Variants in FTCD observed in about 807,000 individuals in gnomAD.
FTCD encodes formimidoyltransferase cyclodeaminase, also known as formimidoyltransferase-cyclodeaminase.
A neutral mutation model predicts 62.9 loss-of-function variants in FTCD; 76 were observed. The ratio of observed to expected loss-of-function variants is 1.21; its 90% CI spans 1.00 to 1.46. The LOEUF is 1.46. Ranked by LOEUF, FTCD falls within the 40% of genes most tolerant of loss-of-function variation. FTCD has a pLI of 0.00. For missense variants in FTCD, 845 were observed against 751.3 expected, an observed-to-expected ratio of 1.12 and a Z score of -1.46; for synonymous variants, 397 against 336.9, an observed-to-expected ratio of 1.18 and a Z score of -1.95.
chr21:46,153,259 G>A (rs376966456), intron 2 of FTCD, among the ~76,000 whole-genome samples: 21 of 152,314 alleles, frequency 1.4e-4, no homozygotes, highest in East Asian at 1.2e-3. Context: ...TTCCCGCACC[G>A]TCCTCCCAGC....
At position 46,138,554 on chromosome 21, in the gene FTCD, T is replaced by G. The variant is rs1247704871; in HGVS notation, c.1397A>C (p.Gln466Pro). The G allele has an allele frequency of 6.3e-7, 1 of 1,587,410 alleles. No individual in the cohort carries two copies. Among genetic ancestry groups the G allele is most frequent in the Admixed American group, 1.7e-5 (1 of 57,556 alleles). ...ETVASLWPAL[Q>P]ELARCGNLAC... ...CAGGTTCCCACACCGGGCCAGTTCCTGCAGGGCCGGCCACAGCGAGGCCAC... is the reference window on the plus strand; with the variant it reads ...CAGGTTCCCACACCGGGCCAGTTCCGGCAGGGCCGGCCACAGCGAGGCCAC... Residue 466 changes from glutamine to proline, a missense_variant, in exon 12 of 14, where the codon CAG becomes CCG. Gln to Pro is a moderately conservative substitution (Grantham distance 76, BLOSUM62 -1). Coordinates refer to ENST00000397746, the MANE Select transcript of FTCD (RefSeq NM_206965.2).
chr21:46,149,846 C>T (rs1276079722), intron 7 of FTCD, among the ~76,000 whole-genome samples: 1 of 152,178 alleles, frequency 6.6e-6, no homozygotes, highest in South Asian at 2.1e-4. Flanking sequence ...GGCCCCTCCA[C>T]GGGAGCATGG....
At position 46,151,698 on chromosome 21, in the gene FTCD, A is replaced by T; in HGVS notation, c.496T>A (p.Ser166Thr). 1 of 1,612,942 alleles carries T rather than the reference A, an allele frequency of 6.2e-7. No individual in the cohort carries two copies. The highest frequency in any genetic ancestry group is 2.2e-5 in the East Asian group (1 of 44,872). The change falls in exon 5 of 14, where the codon TCC (serine) becomes ACC (threonine). Residue 166 changes from serine to threonine, a missense_variant. Transcript: ENST00000397746. Reference sequence around the variant, plus strand: ...GTGGCCCCCCAACTGGGGACAAAGGAGCTGGGACCAAAGTCGGGCGCCCAG... The same window carrying T: ...GTGGCCCCCCAACTGGGGACAAAGGTGCTGGGACCAAAGTCGGGCGCCCAG... ...ADWAPDFGPS[S>T]FVPSWGATAT...
intron 9 of FTCD, 61 bp downstream of exon 9, chr21:46,145,756 CT>C (rs1177643721): frequency 3.9e-5 from 9 of 231,722 alleles, no homozygotes; most frequent in East Asian, 1.7e-4. Context: ...CAACAGCGCC[CT>C]TCCCCCTCCC....
Position 46,154,350 on chromosome 21 carries a change from C to G in FTCD, c.55-18G>C. 1 of 1,604,130 alleles carries G rather than the reference C, an allele frequency of 6.2e-7. No homozygotes were observed. Among genetic ancestry groups the G allele is most frequent in the Non-Finnish European group, 8.5e-7 (1 of 1,176,960 alleles). On this transcript the variant is annotated intron_variant, in intron 1 of 13. Coordinates refer to ENST00000397746, the MANE Select transcript of FTCD (RefSeq NM_206965.2). The stretch of plus-strand genomic sequence containing the variant: ...TCGATCACCTGGGACACAGGCCCGG[C>G]CCCCACACCTCAGTCTCCCCGTTTG...
At chr21:46,136,340 GAA>G (rs1054058232), downstream of FTCD, 6 of 1,174,430 alleles carry the variant, frequency 5.1e-6, no homozygotes, top group African/African-American at 3.0e-5. Context: ...AGGCAGGGAG[GAA>G]AAGTCTCCCA....
chr21:46,144,318 C>A (rs910629658), intron 10 of FTCD, among the ~76,000 whole-genome samples: 3 of 149,324 alleles, frequency 2.0e-5, no homozygotes, highest in Non-Finnish European at 4.5e-5. Flanking sequence ...CATCTCTACA[C>A]ACGGGGAGAA....
rs779168035 is a variant in FTCD, at chr21:46,138,631, T to C, written c.1320A>G (p.Leu440=). 1.3e-5 allele frequency: 21 copies of C among 1,594,712 alleles called. No individual in the cohort carries two copies. The highest frequency in any genetic ancestry group is 6.8e-5 in the Admixed American group (4 of 59,160). The part of the protein sequence containing the change: ...PEEKDRRTAA[L]QEGLRRAVSV... ...AGACTGCCCGCCTCAGACCCTCCTG[T>C]AGGGCCGCCGTGCGCCTGAAAGGAG... Residue 440 remains leucine (L), a synonymous_variant, in exon 12 of 14, where the codon CTA becomes CTG. Coordinates refer to ENST00000397746, the MANE Select transcript of FTCD (RefSeq NM_206965.2).
chr21:46,148,849 G>A (rs1454578595), intron 7 of FTCD, among the ~76,000 whole-genome samples: 1 of 152,128 alleles, frequency 6.6e-6, no homozygotes, highest in Non-Finnish European at 1.5e-5. Flanking sequence ...CGCTATGATG[G>A]GAATCACTGG....
chr21:46,145,386 C>A, intron 10 of FTCD, 31 bp downstream of exon 10: 2 of 1,517,872 alleles, frequency 1.3e-6, no homozygotes, highest in South Asian at 1.2e-5. Flanking sequence ...GTTGGTGGGG[C>A]CCGGGGAGCC....
chr21:46,145,667 C>T (rs941613468), intron 9 of FTCD, 89 bp from the exon 10 acceptor site: 11 of 1,107,402 alleles, frequency 9.9e-6, no homozygotes, highest in Admixed American at 5.1e-5. Context: ...GTGATCCCTG[C>T]GGGGGTCCCA....
At chr21:46,137,997 A>G (rs2078908896) in intron 12 of FTCD, among the ~76,000 whole-genome samples, 1 of 152,184 alleles carries the variant, frequency 6.6e-6, no homozygotes, top group South Asian at 2.1e-4. Flanking sequence ...CCTGTGCTCA[A>G]GCAATTCTCC....
intron 10 of FTCD, among the ~76,000 whole-genome samples, chr21:46,139,443 G>A (rs915135971): frequency 2.0e-5 from 3 of 152,136 alleles, no homozygotes; most frequent in Non-Finnish European, 2.9e-5. Flanking sequence ...CGGCTCCTCG[G>A]ACCCACCCCG....
chr21:46,144,201 C>T (rs1327578840), intron 10 of FTCD, among the ~76,000 whole-genome samples: 1 of 151,562 alleles, frequency 6.6e-6, no homozygotes, highest in African/African-American at 2.4e-5. Flanking sequence ...AACAGCGCAG[C>T]CAGGCATTCA....
Position 46,151,966 on chromosome 21 carries a change from C to A in FTCD, c.382G>T (p.Glu128Ter). The change falls in exon 4 of 14, where the codon GAG becomes TAG. Residue 128 changes from glutamate (E) to a stop codon, truncating the protein, a stop_gained. Coordinates refer to ENST00000397746, the MANE Select transcript of FTCD (RefSeq NM_206965.2). LOFTEE classifies it high-confidence loss of function. ...ELDVPVYLYG[E>*]AARMDSRRTL... ...CGGCGACTGTCCATCCTGGCTGCCTCGCCGTACAGGTAAACTGCAGGAGAG... is the reference window on the plus strand; with the variant it reads ...CGGCGACTGTCCATCCTGGCTGCCTAGCCGTACAGGTAAACTGCAGGAGAG... 1.3e-6 allele frequency: 2 copies of A among 1,566,998 alleles called. No homozygotes were observed. Among genetic ancestry groups the A allele is most frequent in the Admixed American group, 1.9e-5 (1 of 53,204 alleles).
At position 46,153,186 on chromosome 21, in the gene FTCD, C is replaced by G. The variant is rs1323782168; in HGVS notation, c.239-151G>C. The G allele has an allele frequency of 8.6e-6, 7 of 818,026 alleles. No individual in the cohort carries two copies. The East Asian group carries it at 2.0e-4, about 23-fold the overall frequency. 50.7% of individuals were successfully genotyped at this position (818,026 alleles called of 1,614,324 possible). A position where few individuals can be genotyped will look rare whatever the true frequency, so the allele number is the denominator to read the frequency against. ...CTCACACTGACCCACAGGGAGGAGG[C>G]CGGCCCTGGGCGCTCCCAGCCCTGC... On this transcript the variant is annotated intron_variant, in intron 2 of 13. Transcript: ENST00000397746.
chr21:46,136,610 G>A (rs2078871980), downstream of FTCD: 6 of 1,514,260 alleles, frequency 4.0e-6, no homozygotes, highest in South Asian at 4.9e-5. Context: ...ACTGTGGGCT[G>A]CACTGGGTGT....
chr21:46,145,123 C>A lies in FTCD; in HGVS notation c.1260+294G>T, dbSNP rs1601322630. 2.0e-5 allele frequency among the ~76,000 whole-genome samples: 3 copies of A among 152,364 alleles called. No individual in the cohort carries two copies. In the South Asian group the frequency reaches 6.2e-4, roughly 32 times the overall value. ...TCCAGGTCTGTGGGGTCCCCCAAGC[C>A]TGGGCTCCTGGCTCCCCTGCTGGGA... is the stretch of plus-strand genomic sequence containing the variant. On this transcript the variant is annotated intron_variant, in intron 10 of 13. Coordinates refer to ENST00000397746, the MANE Select transcript of FTCD (RefSeq NM_206965.2).
Position 46,154,236 on chromosome 21 carries a change from A to C in FTCD, c.151T>G (p.Phe51Val). 6.2e-7 allele frequency: 1 copy of C among 1,612,804 alleles called. No homozygotes were observed. ...GPSTNRTVYT[F>V]VGPPECVVEG... is the part of the protein sequence containing the mutation. Reference sequence around the variant, plus strand: ...ACCACGCACTCCGGCGGCCCCACGAAGGTGTACACGGTGCGGTTGGTGGAA... The same window carrying C: ...ACCACGCACTCCGGCGGCCCCACGACGGTGTACACGGTGCGGTTGGTGGAA... The change falls in exon 2 of 14, where the codon TTC becomes GTC. Residue 51 changes from phenylalanine to valine, a missense_variant. Transcript: ENST00000397746.
Sources: allele counts gnomAD v4.1 joint callset (sites outside exome capture counted in the v4.1 genomes callset), GRCh38; gene constraint gnomAD v4.1.1; transcripts MANE v1.5; gene names NCBI Gene and HGNC (gene_info 2026-07-23, HGNC 2026-07-21).